Variants in C12orf75 observed in about 807,000 individuals in gnomAD.
The protein encoded by C12orf75 is chromosome 12 open reading frame 75.
In C12orf75, 4 loss-of-function variants were observed where a neutral mutation model predicts 11.4. That is an observed-to-expected ratio of 0.35 (90% CI 0.17 to 0.80). The LOEUF is 0.80. C12orf75 is among the 30% of genes least tolerant of loss of function. The pLI, the probability that C12orf75 is intolerant of heterozygous loss-of-function variation, is 0.52. For missense variants in C12orf75, 89 were observed against 80.4 expected (o/e 1.11, Z -0.41); for synonymous variants, 30 against 30.0 (o/e 1.00, Z 0.00).
At chr12:105,364,691 T>A (rs919118985) in intron 2 of C12orf75, among the ~76,000 whole-genome samples, 1 of 152,206 alleles carries the variant, frequency 6.6e-6, no homozygotes, top group African/African-American at 2.4e-5. Flanking sequence ...TGTTACAAGT[T>A]GAATTCAGCC....
At chr12:105,360,513 A>T (rs978198713) in intron 2 of C12orf75, among the ~76,000 whole-genome samples, 7 of 152,192 alleles carry the variant, frequency 4.6e-5, no homozygotes, top group African/African-American at 1.7e-4. Context: ...GCCTACGGTG[A>T]TGTGTACCTG....
intron 2 of C12orf75, among the ~76,000 whole-genome samples, chr12:105,362,243 G>A (rs1318710120): frequency 1.3e-5 from 2 of 151,878 alleles, no homozygotes; most frequent in East Asian, 1.9e-4. Context: ...AAAATTAGCC[G>A]GGCGTGTGGC....
At chr12:105,332,617 G>A (rs1290540637) in intron 1 of C12orf75, among the ~76,000 whole-genome samples, 1 of 151,900 alleles carries the variant, frequency 6.6e-6, no homozygotes, top group Non-Finnish European at 1.5e-5. Flanking sequence ...TGTAATCCCA[G>A]CTATTTGGGA....
At chr12:105,346,608 C>T (rs1030513513) in intron 1 of C12orf75, among the ~76,000 whole-genome samples, 1 of 152,026 alleles carries the variant, frequency 6.6e-6, no homozygotes, top group Non-Finnish European at 1.5e-5. Flanking sequence ...GTAATGGTGG[C>T]ACAGAAATGT....
chr12:105,355,123 T>C (rs1005112109), intron 2 of C12orf75, among the ~76,000 whole-genome samples: 2 of 151,144 alleles, frequency 1.3e-5, no homozygotes, highest in East Asian at 1.9e-4. Context: ...GTCAGCAAAA[T>C]ATGAGGTGAG....
intron 2 of C12orf75, among the ~76,000 whole-genome samples, chr12:105,357,126 T>G (rs1332525467): frequency 6.6e-6 from 1 of 152,122 alleles, no homozygotes; most frequent in Non-Finnish European, 1.5e-5. Context: ...ATGTCTCCAG[T>G]TCATTCAGAA....
intron 2 of C12orf75, among the ~76,000 whole-genome samples, chr12:105,349,825 C>T (rs10861403): frequency 0.18 from 26,798 of 151,270 alleles, 2,729 homozygotes; most frequent in Non-Finnish European, 0.23. Flanking sequence ...TGCAGTGAGC[C>T]GAGATCACAC....
chr12:105,346,152 C>T (rs1892637499), intron 1 of C12orf75, among the ~76,000 whole-genome samples: 1 of 152,114 alleles, frequency 6.6e-6, no homozygotes, highest in Admixed American at 6.5e-5. Flanking sequence ...CACCTGGAAA[C>T]AACCCCCCAC....
chr12:105,330,944 C>A lies in C12orf75; in HGVS notation c.46+7C>A. On this transcript the variant is annotated splice_region_variant and intron_variant, in intron 1 of 5. Coordinates refer to ENST00000443585, the MANE Select transcript of C12orf75 (RefSeq NM_001145199.2). ...AGCGCGGGCGCGGGCCAAGGTGAGTCCGGCGGGAGGCGGGGGCCGGCGGGG... is the reference window on the plus strand; with the variant it reads ...AGCGCGGGCGCGGGCCAAGGTGAGTACGGCGGGAGGCGGGGGCCGGCGGGG... 1 of 1,230,248 alleles carries A rather than the reference C, an allele frequency of 8.1e-7. No individual in the cohort carries two copies. Among genetic ancestry groups the A allele is most frequent in the Non-Finnish European group, 1.0e-6 (1 of 986,672 alleles). The allele number at this position is 1,230,248 out of a possible 1,614,324, so 76.2% of individuals were successfully genotyped here. A position where few individuals can be genotyped will look rare whatever the true frequency, so the allele number is the denominator to read the frequency against.
At chr12:105,339,409 A>G (rs1406114991) in intron 1 of C12orf75, among the ~76,000 whole-genome samples, 3 of 76,986 alleles carry the variant, frequency 3.9e-5, no homozygotes, top group Admixed American at 3.5e-4. Flanking sequence ...TTTTTTTTTT[A>G]CAAATTCTTC....
intron 5 of C12orf75, among the ~76,000 whole-genome samples, chr12:105,368,622 A>G (rs1043924869): frequency 6.6e-6 from 1 of 152,222 alleles, no homozygotes; most frequent in Non-Finnish European, 1.5e-5. Context: ...GACTGATTTG[A>G]TACTGAACCA....
At chr12:105,356,438 G>GTTTT in intron 2 of C12orf75, among the ~76,000 whole-genome samples, 1 of 83,102 alleles carries the variant, frequency 1.2e-5, no homozygotes, top group South Asian at 3.9e-4. Context: ...AAGACTACAG[G>GTTTT]CTTTTTTTTT....
chr12:105,361,272 A>G (rs774294834), intron 2 of C12orf75, among the ~76,000 whole-genome samples: 4 of 152,156 alleles, frequency 2.6e-5, no homozygotes, highest in Non-Finnish European at 4.4e-5. Context: ...TAAGGCAGGT[A>G]AAATCTTTCA....
In C12orf75 at chr12:105,371,414, T is replaced by G. The variant is rs1285162667; in HGVS notation, c.*814T>G. ...TGCGATGGATGGTTAGTGGGATATC[T>G]GGAAATTAATTTGATAATGACTTGT... On this transcript the variant is annotated 3_prime_UTR_variant, in exon 6 of 6. Transcript: ENST00000443585. 1 of 152,210 alleles carries G rather than the reference T, an allele frequency of 6.6e-6. No individual in the cohort carries two copies. Among genetic ancestry groups the G allele is most frequent in the Non-Finnish European group, 1.5e-5 (1 of 68,026 alleles). 9.4% of individuals were successfully genotyped at this position (152,210 alleles called of 1,614,324 possible).
At position 105,346,092 on chromosome 12, in the gene C12orf75, A is replaced by G. The variant is rs969627505; in HGVS notation, c.47-2510A>G. ...GAATCAATTGATTCCAGATCTTTAA[A>G]TAAACTCTTTCAACCAATTGCCAAT... On this transcript the variant is annotated intron_variant, in intron 1 of 5. Coordinates refer to ENST00000443585, the MANE Select transcript of C12orf75 (RefSeq NM_001145199.2). Among the ~76,000 whole-genome samples, 3 of 152,184 alleles carry G rather than the reference A, an allele frequency of 2.0e-5. No individual in the cohort carries two copies. In the East Asian group the frequency reaches 5.8e-4, roughly 29 times the overall value.
chr12:105,335,304 T>C (rs1438750893), intron 1 of C12orf75, among the ~76,000 whole-genome samples: 2 of 152,218 alleles, frequency 1.3e-5, no homozygotes, highest in African/African-American at 4.8e-5. Context: ...GTAGCTATAT[T>C]GGTCCAGGCT....
intron 1 of C12orf75, among the ~76,000 whole-genome samples, chr12:105,333,879 A>C (rs776273099): frequency 4.6e-5 from 7 of 152,204 alleles, no homozygotes; most frequent in Non-Finnish European, 1.0e-4. Flanking sequence ...AATACCCCTA[A>C]ATCTGAAATC....
Position 105,366,685 on chromosome 12 carries a change from C to T in C12orf75, c.176C>T (p.Thr59Met), listed in dbSNP as rs1015464023. The T allele has an allele frequency of 2.9e-5, 44 of 1,528,458 alleles. No homozygotes were observed. In the Middle Eastern group the frequency reaches 5.0e-4, roughly 17 times the overall value. The allele number at this position is 1,528,458 out of a possible 1,614,324, so 94.7% of individuals were successfully genotyped here. A position where few individuals can be genotyped will look rare whatever the true frequency, so the allele number is the denominator to read the frequency against. ...AATATGGTGTCCAGTCAAACAAAGA[C>T]GGTTCGGAAAAGTAAGTGAAATCAT... ...AVNMVSSQTK[T>M]VRKN Residue 59 changes from threonine to methionine, a missense_variant, in exon 4 of 6, where the codon ACG (threonine) becomes ATG (methionine). Transcript: ENST00000443585.
At chr12:105,346,162 C>T (rs1207769080) in intron 1 of C12orf75, among the ~76,000 whole-genome samples, 1 of 152,040 alleles carries the variant, frequency 6.6e-6, no homozygotes, top group African/African-American at 2.4e-5. Context: ...CAACCCCCCA[C>T]ACCCCCACCA....
Sources: gnomAD v4.1 joint callset for allele counts (sites outside exome capture counted in the v4.1 genomes callset) on GRCh38, gnomAD v4.1.1 for gene constraint, MANE v1.5 for transcripts, NCBI Gene and HGNC (gene_info 2026-07-23, HGNC 2026-07-21) for gene names.